FAIM2: variants seen among roughly 807,000 people sequenced by gnomAD.
FAIM2 encodes the protein Fas apoptotic inhibitory molecule 2.
Under a neutral mutation model 47.4 loss-of-function variants are expected in FAIM2, and 27 were observed. That is an observed-to-expected ratio of 0.57 (90% CI 0.42 to 0.78). FAIM2 has a LOEUF of 0.78. Ranked by LOEUF, FAIM2 falls within the 30% of genes least tolerant of loss-of-function variation. The probability of loss-of-function intolerance (pLI) is 0.00; values close to 1 mark genes in which losing one functional copy is unlikely to be tolerated. For missense variants in FAIM2, 311 were observed against 389.4 expected, an observed-to-expected ratio of 0.80 and a Z score of 1.69; for synonymous variants, 156 against 159.3, an observed-to-expected ratio of 0.98 and a Z score of 0.16.
intron 1 of FAIM2, 115 bp downstream of exon 1, chr12:49,903,663 C>T (rs1484556769): frequency 2.2e-6 from 3 of 1,356,122 alleles, no homozygotes; most frequent in Non-Finnish European, 3.1e-6. Context: ...CCACGGAGGA[C>T]CTTCAAACTA....
intron 11 of FAIM2, among the ~76,000 whole-genome samples, chr12:49,878,773 C>T (rs953661699): frequency 9.9e-6 from 1 of 100,608 alleles, no homozygotes. Context: ...TATTTGTGTG[C>T]ATGAGTGTAT....
intron 11 of FAIM2, among the ~76,000 whole-genome samples, chr12:49,871,471 A>G (rs1946702195): frequency 6.6e-6 from 1 of 151,996 alleles, no homozygotes; most frequent in Non-Finnish European, 1.5e-5. Flanking sequence ...CCCACTGTAT[A>G]CAGTGGCTCC....
chr12:49,890,753 C>T (rs368957863), intron 6 of FAIM2, 31 bp from the exon 7 acceptor site: 15 of 1,610,424 alleles, frequency 9.3e-6, no homozygotes, highest in South Asian at 3.3e-5. Flanking sequence ...TTCAGGGGAT[C>T]GTAGGGGGTG....
Sources: allele counts gnomAD v4.1 joint callset (sites outside exome capture counted in the v4.1 genomes callset), GRCh38; gene constraint gnomAD v4.1.1; transcripts MANE v1.5; gene names NCBI Gene and HGNC (gene_info 2026-07-23, HGNC 2026-07-21).